RAD51B: variants seen among roughly 807,000 people sequenced by gnomAD.
RAD51B encodes the protein RAD51 paralog B.
Under a neutral mutation model 42.2 loss-of-function variants are expected in RAD51B, and 38 were observed. That is an observed-to-expected ratio of 0.90 (90% CI 0.70 to 1.18). The LOEUF (loss-of-function observed/expected upper bound fraction) is 1.18, where lower values mean the gene tolerates loss of function less well. Ranked by LOEUF, RAD51B falls within the 50% of genes most tolerant of loss-of-function variation. The pLI, the probability that RAD51B is intolerant of heterozygous loss-of-function variation, is 0.00. For synonymous variants in RAD51B, 154 were observed against 145.2 expected, an observed-to-expected ratio of 1.06 and a Z score of -0.43; for missense variants, 373 against 400.7, an observed-to-expected ratio of 0.93 and a Z score of 0.59.
At chr14:68,318,177 A>C (rs2139754040) in intron 8 of RAD51B, among the ~76,000 whole-genome samples, 1 of 152,366 alleles carries the variant, frequency 6.6e-6, no homozygotes, top group South Asian at 2.1e-4. Flanking sequence ...GTTTTTGACC[A>C]GCACGTAATT....
intron 11 of RAD51B, among the ~76,000 whole-genome samples, chr14:68,674,771 A>G (rs10143275): frequency 0.78 from 118,548 of 151,988 alleles, 47,164 homozygotes; most frequent in African/African-American, 0.95. Context: ...CCATAAGTAG[A>G]CCAGGGGTAT....
downstream of RAD51B, among the ~76,000 whole-genome samples, chr14:68,613,893 G>C (rs1566955659): frequency 6.6e-6 from 1 of 152,142 alleles, no homozygotes; most frequent in East Asian, 1.9e-4. Flanking sequence ...GAGAGGTTGG[G>C]GCTAGAGTTT....
chr14:67,899,138 G>T (rs1226642070), intron 7 of RAD51B, among the ~76,000 whole-genome samples: 3 of 151,986 alleles, frequency 2.0e-5, no homozygotes, highest in African/African-American at 7.3e-5. Flanking sequence ...CGCCTCCCGG[G>T]CTCATGCTAT....
rs373016834 is a variant in RAD51B at position 67,887,217 on chromosome 14, T to G, written c.756+13T>G. 1.9e-5 allele frequency: 29 copies of G among 1,561,732 alleles called. No homozygotes were observed. The highest frequency in any genetic ancestry group is 1.8e-4 in the African/African-American group (13 of 72,910). ...GTTTTCAATCCCAGTAAGTTTTTCTTTTTTTCTCTTTTTTCTTTTCCTTTC... is the reference window on the plus strand; with the variant it reads ...GTTTTCAATCCCAGTAAGTTTTTCTGTTTTTCTCTTTTTTCTTTTCCTTTC... On this transcript the variant is annotated intron_variant, in intron 7 of 10. Transcript: ENST00000471583.
intron 7 of RAD51B, among the ~76,000 whole-genome samples, chr14:68,135,720 T>G (rs2077993272): frequency 6.6e-6 from 1 of 152,136 alleles, no homozygotes; most frequent in South Asian, 2.1e-4. Flanking sequence ...AGTGGTTACA[T>G]TCCATTAAGA....
chr14:68,169,592 C>G (rs1209198314), intron 7 of RAD51B, among the ~76,000 whole-genome samples: 4 of 152,158 alleles, frequency 2.6e-5, no homozygotes, highest in African/African-American at 7.2e-5. Context: ...CTCCCCCAGT[C>G]TGATATCTTG....
intron 7 of RAD51B, among the ~76,000 whole-genome samples, chr14:68,247,593 T>A (rs912658678): frequency 5.3e-5 from 8 of 152,214 alleles, no homozygotes; most frequent in African/African-American, 1.9e-4. Context: ...ATATACTAAT[T>A]TTAGTAGAAA....
chr14:68,279,070 A>G (rs1282492999), intron 7 of RAD51B, among the ~76,000 whole-genome samples: 3 of 152,028 alleles, frequency 2.0e-5, no homozygotes, highest in Non-Finnish European at 2.9e-5. Context: ...TCTACTCTGT[A>G]TGCCCTTTAA....
chr14:68,578,600 G>A (rs552375071), intron 10 of RAD51B, among the ~76,000 whole-genome samples: 24 of 152,216 alleles, frequency 1.6e-4, no homozygotes, highest in Middle Eastern at 3.4e-3. Flanking sequence ...GAATGTCTTT[G>A]GATAGCCTCT....
At chr14:68,002,340 T>C (rs2075500424) in intron 7 of RAD51B, among the ~76,000 whole-genome samples, 1 of 152,252 alleles carries the variant, frequency 6.6e-6, no homozygotes, top group Non-Finnish European at 1.5e-5. Context: ...ATATCTTCTT[T>C]TGAGAAGTGT....
chr14:67,900,747 T>A (rs2043585690), intron 7 of RAD51B, among the ~76,000 whole-genome samples: 1 of 151,994 alleles, frequency 6.6e-6, no homozygotes, highest in African/African-American at 2.4e-5. Flanking sequence ...TAAAGAAATG[T>A]TGAAATTGTT....
intron 7 of RAD51B, among the ~76,000 whole-genome samples, chr14:68,062,130 G>A (rs1356211291): frequency 1.3e-5 from 2 of 152,116 alleles, no homozygotes; most frequent in Non-Finnish European, 2.9e-5. Flanking sequence ...TTTATCAAAT[G>A]CTTTTTCTGC....
At chr14:68,579,090 G>A (rs1477960688) in intron 10 of RAD51B, among the ~76,000 whole-genome samples, 1 of 152,152 alleles carries the variant, frequency 6.6e-6, no homozygotes, top group Non-Finnish European at 1.5e-5. Flanking sequence ...CAGCTCTCTT[G>A]ACTCTCCATG....
At chr14:68,363,986 G>T (rs2083086412) in intron 8 of RAD51B, among the ~76,000 whole-genome samples, 1 of 152,210 alleles carries the variant, frequency 6.6e-6, no homozygotes, top group Admixed American at 6.5e-5. Flanking sequence ...TTGCCCACAC[G>T]CGCCCCAGTG....
intron 10 of RAD51B, among the ~76,000 whole-genome samples, chr14:68,529,814 G>A (rs902250542): frequency 7.2e-5 from 11 of 152,036 alleles, no homozygotes; most frequent in African/African-American, 2.7e-4. Context: ...TAAAATAATG[G>A]AACAATCTGA....
intron 7 of RAD51B, among the ~76,000 whole-genome samples, chr14:68,097,276 A>G (rs1241599247): frequency 1.3e-5 from 2 of 152,152 alleles, no homozygotes; most frequent in African/African-American, 4.8e-5. Context: ...GCCTCCCTAA[A>G]GAAATTTAAC....
chr14:68,405,786 C>T (rs1262245089), intron 8 of RAD51B, among the ~76,000 whole-genome samples: 2 of 146,690 alleles, frequency 1.4e-5, no homozygotes, highest in African/African-American at 5.1e-5. Flanking sequence ...TGAAGACATC[C>T]TGTGTCTTCC....
At chr14:68,423,328 A>AGCGGCCCTG (rs2084755377) in intron 9 of RAD51B, among the ~76,000 whole-genome samples, 2 of 152,192 alleles carry the variant, frequency 1.3e-5, no homozygotes, top group Non-Finnish European at 1.5e-5. Flanking sequence ...CCAAAGCCCC[A>AGCGGCCCTG]GCGGCCCTGG....
At chr14:68,608,931 C>T (rs1891562239) in intron 10 of RAD51B, among the ~76,000 whole-genome samples, 1 of 152,160 alleles carries the variant, frequency 6.6e-6, no homozygotes, top group African/African-American at 2.4e-5. Context: ...CTCCGGGGCC[C>T]CCACTTCTCA....
Sources: allele counts gnomAD v4.1 joint callset (sites outside exome capture counted in the v4.1 genomes callset), GRCh38; gene constraint gnomAD v4.1.1; transcripts MANE v1.5; gene names NCBI Gene and HGNC (gene_info 2026-07-23, HGNC 2026-07-21).